TNIK: variants seen among roughly 807,000 people sequenced by gnomAD.
TNIK encodes the protein TRAF2 and NCK-interacting protein kinase.
Under a neutral mutation model 191.3 loss-of-function variants are expected in TNIK, and 49 were observed. The ratio of observed to expected loss-of-function variants is 0.26; its 90% CI spans 0.20 to 0.32. The LOEUF (loss-of-function observed/expected upper bound fraction) is 0.32, where lower values mean the gene tolerates loss of function less well. Among genes scored for constraint, TNIK ranks in the 10% least tolerant of loss-of-function variants. TNIK has a pLI of 1.00. For synonymous variants in TNIK, 594 were observed against 600.9 expected, an observed-to-expected ratio of 0.99 and a Z score of 0.17; for missense variants, 1,155 against 1,702.3, an observed-to-expected ratio of 0.68 and a Z score of 5.66.
intron 10 of TNIK, among the ~76,000 whole-genome samples, chr3:171,166,282 C>T (rs1029997116): frequency 1.3e-5 from 2 of 152,186 alleles, no homozygotes; most frequent in Non-Finnish European, 2.9e-5. Context: ...AAATGCACTC[C>T]CCTTACCCAT....
chr3:171,360,590 A>G (rs529994124), intron 2 of TNIK, among the ~76,000 whole-genome samples: 1 of 152,244 alleles, frequency 6.6e-6, no homozygotes, highest in African/African-American at 2.4e-5. Flanking sequence ...CAAGGCCAAG[A>G]CTCAAGGCCA....
At chr3:171,353,824 G>T (rs1713594289) in intron 2 of TNIK, among the ~76,000 whole-genome samples, 2 of 152,166 alleles carry the variant, frequency 1.3e-5, no homozygotes, top group Non-Finnish European at 2.9e-5. Context: ...GAGTTAAAAA[G>T]TTAACTTATT....
intron 1 of TNIK, among the ~76,000 whole-genome samples, chr3:171,443,892 G>A (rs1449842025): frequency 1.3e-5 from 2 of 152,088 alleles, no homozygotes; most frequent in Non-Finnish European, 2.9e-5. Flanking sequence ...CACCTCTTCT[G>A]AGAAAACTGG....
In TNIK at chr3:171,267,441, G is replaced by A. The variant is rs564571048; in HGVS notation, c.124-39220C>T. Among the ~76,000 whole-genome samples the A allele has an allele frequency of 2.6e-4, 40 of 152,306 alleles. No individual in the cohort carries two copies. The East Asian group carries it at 7.3e-3, about 28-fold the overall frequency. ...AAAAGCAGCTTGGCAAGACTGAAAGGAGCCTGAAGTCAAAACTCAGAGACT... is the reference window on the plus strand; with the variant it reads ...AAAAGCAGCTTGGCAAGACTGAAAGAAGCCTGAAGTCAAAACTCAGAGACT... On this transcript the variant is annotated intron_variant, in intron 2 of 32. Coordinates refer to ENST00000436636, the MANE Select transcript of TNIK (RefSeq NM_015028.4).
At chr3:171,417,554 A>G (rs1355736950) in intron 1 of TNIK, among the ~76,000 whole-genome samples, 1 of 152,210 alleles carries the variant, frequency 6.6e-6, no homozygotes, top group Non-Finnish European at 1.5e-5. Context: ...AAAGTTAAAA[A>G]TCATTTAACT....
Position 171,123,630 on chromosome 3 carries a change from C to G in TNIK, c.2086G>C (p.Gly696Arg). 6.4e-7 allele frequency: 1 copy of G among 1,573,336 alleles called. No homozygotes were observed. The highest frequency in any genetic ancestry group is 8.6e-7 in the Non-Finnish European group (1 of 1,157,128). The change falls in exon 18 of 33, where the codon GGA becomes CGA. Residue 696 changes from glycine to arginine, a missense_variant. Gly to Arg is a moderately radical substitution (Grantham distance 125). Transcript: ENST00000436636. ...KNSPGNGSAL[G>R]PRLGSQPIRA... ...ATGGGTTGAGATCCTAGTCTGGGTC[C>G]CAGAGCACTACCATTCCCAGGAGAA...
intron 22 of TNIK, among the ~76,000 whole-genome samples, chr3:171,100,051 TAGTG>T (rs775751110): frequency 1.3e-5 from 2 of 152,170 alleles, no homozygotes; most frequent in Admixed American, 1.3e-4. Context: ...GGCTATCACA[TAGTG>T]AGAGTTTTAG....
At chr3:171,326,458 AAAAG>A (rs771196433) in intron 2 of TNIK, among the ~76,000 whole-genome samples, 10 of 146,804 alleles carry the variant, frequency 6.8e-5, no homozygotes, top group Non-Finnish European at 1.2e-4. Flanking sequence ...ACAAGAAAAA[AAAAG>A]AAAAAAACTC....
rs149007875 is a variant in TNIK, at chr3:171,291,981, T to C, written c.124-63760A>G. On this transcript the variant is annotated intron_variant, in intron 2 of 32. Transcript: ENST00000436636. ...CATTTATCTTCAGGTTTACTGAATC[T>C]TTCCTCATTACTTCTACTGTGCTAT... Among the ~76,000 whole-genome samples the C allele has an allele frequency of 1.8e-3, 269 of 152,362 alleles. 3 individuals carry two copies. The highest frequency in any genetic ancestry group is 6.1e-3 in the African/African-American group (254 of 41,590).
chr3:171,235,895 T>C (rs1744208059), intron 2 of TNIK, among the ~76,000 whole-genome samples: 3 of 152,254 alleles, frequency 2.0e-5, no homozygotes, highest in South Asian at 4.1e-4. Flanking sequence ...AAAAGGTTCT[T>C]GATGCAACCT....
intron 2 of TNIK, among the ~76,000 whole-genome samples, chr3:171,305,003 T>A (rs1283058368): frequency 1.3e-4 from 11 of 84,620 alleles, no homozygotes; most frequent in Non-Finnish European, 1.7e-4. Context: ...AAACTTAAAG[T>A]ATAATTAAAA....
chr3:171,182,161 G>A (rs1321106334), intron 7 of TNIK, among the ~76,000 whole-genome samples: 1 of 108,812 alleles, frequency 9.2e-6, no homozygotes, highest in Non-Finnish European at 1.9e-5. Context: ...TGATATCATT[G>A]TTAGGATTTT....
intron 2 of TNIK, among the ~76,000 whole-genome samples, chr3:171,329,585 C>T (rs192786895): frequency 6.6e-5 from 10 of 152,278 alleles, no homozygotes; most frequent in Admixed American, 6.5e-4. Flanking sequence ...TCCCTAAGCA[C>T]ATAGTGTGCC....
Position 171,161,363 on chromosome 3 carries a change from G to A in TNIK, c.950-27C>T, listed in dbSNP as rs765562429. The stretch of plus-strand genomic sequence containing the variant: ...TGAAGAAAGATCCCAGCATGTTAGT[G>A]CACAAAAAGATGCTATGGCTCAGTA... On this transcript the variant is annotated intron_variant, in intron 10 of 32. Coordinates refer to ENST00000436636, the MANE Select transcript of TNIK (RefSeq NM_015028.4). The A allele has an allele frequency of 1.2e-5, 20 of 1,603,240 alleles. No individual in the cohort carries two copies. The South Asian group carries it at 2.1e-4, about 17-fold the overall frequency.
chr3:171,198,127 C>T (rs1356796812), intron 4 of TNIK, among the ~76,000 whole-genome samples: 5 of 152,082 alleles, frequency 3.3e-5, no homozygotes, highest in African/African-American at 9.7e-5. Flanking sequence ...GGATGAATCA[C>T]GTAAAACATT....
chr3:171,404,167 G>C (rs1174424981), intron 1 of TNIK, among the ~76,000 whole-genome samples: 1 of 152,078 alleles, frequency 6.6e-6, no homozygotes, highest in African/African-American at 2.4e-5. Context: ...GTTTTTAATG[G>C]GGGCTCTATG....
At chr3:171,423,152 A>C (rs1452908972) in intron 1 of TNIK, among the ~76,000 whole-genome samples, 5 of 152,230 alleles carry the variant, frequency 3.3e-5, no homozygotes, top group African/African-American at 1.2e-4. Context: ...GTACAAAATC[A>C]ATGTGCAAAA....
intron 2 of TNIK, among the ~76,000 whole-genome samples, chr3:171,253,450 A>G (rs1203486184): frequency 2.0e-5 from 3 of 152,040 alleles, no homozygotes; most frequent in African/African-American, 4.8e-5. Flanking sequence ...AATCCAGCTA[A>G]AAGCAAAACC....
At chr3:171,102,975 A>G (rs1723844987) in intron 21 of TNIK, among the ~76,000 whole-genome samples, 1 of 152,188 alleles carries the variant, frequency 6.6e-6, no homozygotes, top group African/African-American at 2.4e-5. Context: ...GAAAGGAAAC[A>G]CTTTAGGTGT....
Sources: allele counts gnomAD v4.1 joint callset (sites outside exome capture counted in the v4.1 genomes callset), GRCh38; gene constraint gnomAD v4.1.1; transcripts MANE v1.5; gene names NCBI Gene and HGNC (gene_info 2026-07-23, HGNC 2026-07-21).